ANKRD30BL: variants seen among roughly 807,000 people sequenced by gnomAD.
ANKRD30BL encodes ankyrin repeat domain 30B like.
ANKRD30BL carries 20 observed loss-of-function variants against 18.4 expected under a neutral mutation model. That is an observed-to-expected ratio of 1.09 (90% CI 0.77 to 1.58). The LOEUF is 1.58. Among genes scored for constraint, ANKRD30BL ranks in the 40% most tolerant of loss-of-function variants. ANKRD30BL has a pLI of 0.00. For missense variants in ANKRD30BL, 224 were observed against 268.6 expected, an observed-to-expected ratio of 0.83 and a Z score of 1.16; for synonymous variants, 72 against 100.9, an observed-to-expected ratio of 0.71 and a Z score of 1.72.
intron 1 of ANKRD30BL, among the ~76,000 whole-genome samples, chr2:132,242,246 T>C (rs76245472): frequency 1.3e-5 from 2 of 151,634 alleles, no homozygotes; most frequent in Non-Finnish European, 3.0e-5. Flanking sequence ...CTTTGTGAGG[T>C]TTGCATTCAA....
chr2:132,253,532 G>A (rs758766925), intron 1 of ANKRD30BL, among the ~76,000 whole-genome samples: 7 of 152,172 alleles, frequency 4.6e-5, no homozygotes, highest in Non-Finnish European at 1.0e-4. Flanking sequence ...CCACAGAGCG[G>A]GGTACAGGCC....
chr2:132,226,856 G>A (rs1267926086), intron 1 of ANKRD30BL, among the ~76,000 whole-genome samples: 1 of 152,004 alleles, frequency 6.6e-6, no homozygotes, highest in Non-Finnish European at 1.5e-5. Flanking sequence ...AGTTAGAAAA[G>A]GAAATATCTT....
intron 1 of ANKRD30BL, among the ~76,000 whole-genome samples, chr2:132,179,077 GA>G (rs1392759862): frequency 1.3e-5 from 2 of 151,490 alleles, no homozygotes; most frequent in Non-Finnish European, 2.9e-5. Flanking sequence ...GATTGTAATG[GA>G]GGTAAAAAAT....
intron 1 of ANKRD30BL, among the ~76,000 whole-genome samples, chr2:132,179,757 A>G (rs1688429683): frequency 6.6e-6 from 1 of 152,166 alleles, no homozygotes; most frequent in African/African-American, 2.4e-5. Flanking sequence ...CCATTGAGAC[A>G]GAATATGAAG....
In ANKRD30BL at chr2:132,209,578, A is replaced by G. The variant is rs568612063; in HGVS notation, n.441+47951T>C. ...TTTGTGATGTGTGCATTCATCTCAC[A>G]GAACTGAACCTTTCTTTTGATTGAA... is the stretch of plus-strand genomic sequence containing the variant. On this transcript the variant is annotated intron_variant and non_coding_transcript_variant, in intron 1 of 4. Transcript: ENST00000470729. 9.8e-5 allele frequency among the ~76,000 whole-genome samples: 15 copies of G among 152,320 alleles called. 1 individual carries two copies. Among genetic ancestry groups the G allele is most frequent in the South Asian group, 4.1e-4 (2 of 4,832 alleles).
chr2:132,245,735 T>C (rs1191554797), intron 1 of ANKRD30BL, among the ~76,000 whole-genome samples: 1 of 902 alleles, frequency 1.1e-3, no homozygotes, highest in Non-Finnish European at 3.0e-3. Flanking sequence ...TTGTAGAATC[T>C]GCAAGTGGAT....
intron 1 of ANKRD30BL, among the ~76,000 whole-genome samples, chr2:132,227,384 C>A (rs1272415494): frequency 6.6e-6 from 1 of 151,242 alleles, no homozygotes; most frequent in Non-Finnish European, 1.5e-5. Flanking sequence ...ATCTTCCCAT[C>A]TAAACTAGAG....
chr2:132,201,460 C>T (rs1679096056), intron 1 of ANKRD30BL, among the ~76,000 whole-genome samples: 2 of 151,882 alleles, frequency 1.3e-5, no homozygotes, highest in African/African-American at 4.8e-5. Context: ...AAAAAAACAA[C>T]CCCATCAAAA....
intron 1 of ANKRD30BL, among the ~76,000 whole-genome samples, chr2:132,252,340 C>A (rs1680672000): frequency 6.6e-6 from 1 of 152,342 alleles, no homozygotes; most frequent in Admixed American, 6.5e-5. Context: ...GCTGCCCTGC[C>A]CCGACATGGA....
chr2:132,168,789 C>T (rs1688228814), intron 1 of ANKRD30BL, among the ~76,000 whole-genome samples: 1 of 151,758 alleles, frequency 6.6e-6, no homozygotes, highest in South Asian at 2.1e-4. Flanking sequence ...TGTTAATTGA[C>T]TGTGGCTATT....
intron 1 of ANKRD30BL, among the ~76,000 whole-genome samples, chr2:132,204,461 A>G (rs1468646449): frequency 2.1e-5 from 2 of 94,110 alleles, no homozygotes; most frequent in Admixed American, 1.0e-4. Flanking sequence ...TATAGTGTGT[A>G]TGTATGTATG....
chr2:132,169,660 A>T (rs1231096552), intron 1 of ANKRD30BL, among the ~76,000 whole-genome samples: 1 of 151,182 alleles, frequency 6.6e-6, no homozygotes, highest in Non-Finnish European at 1.5e-5. Context: ...AAAAAAAAAA[A>T]AAAAAAAAGA....
At chr2:132,201,939 A>T (rs1042903427) in intron 1 of ANKRD30BL, among the ~76,000 whole-genome samples, 1 of 152,244 alleles carries the variant, frequency 6.6e-6, no homozygotes, top group African/African-American at 2.4e-5. Flanking sequence ...TGGCACATAT[A>T]CACCACGGAA....
At position 132,191,898 on chromosome 2, in the gene ANKRD30BL, C is replaced by T. The variant is rs183894799; in HGVS notation, n.442-34752G>A. Among the ~76,000 whole-genome samples the T allele has an allele frequency of 7.5e-3, 1,139 of 151,990 alleles. 8 individuals are homozygous for T. Among genetic ancestry groups the T allele is most frequent in the African/African-American group, 0.024 (1,014 of 41,460 alleles). On this transcript the variant is annotated intron_variant and non_coding_transcript_variant, in intron 1 of 4. Transcript: ENST00000470729. ...CTGGGACTACAGGCTCTCACCACCA[C>T]GCCTGGCTAATTTTTTTGTATATTT...
chr2:132,156,176 A>T (rs1377397489), intron 3 of ANKRD30BL: 1 of 149,126 alleles, frequency 6.7e-6, no homozygotes, highest in Non-Finnish European at 1.5e-5. Context: ...GTGGAGAAAG[A>T]TATAATATTT....
At chr2:132,157,714 C>T (rs1442837367) in intron 1 of ANKRD30BL, among the ~76,000 whole-genome samples, 1 of 152,132 alleles carries the variant, frequency 6.6e-6, no homozygotes, top group Non-Finnish European at 1.5e-5. Context: ...TTCTCTGCCT[C>T]AATTTTCTCA....
intron 1 of ANKRD30BL, among the ~76,000 whole-genome samples, chr2:132,200,745 A>T (rs991549646): frequency 9.9e-5 from 15 of 152,278 alleles, no homozygotes; most frequent in East Asian, 1.9e-4. Flanking sequence ...ATTCAATGCC[A>T]TCCCCATCAA....
At chr2:132,242,709 G>A (rs1268909589) in intron 1 of ANKRD30BL, among the ~76,000 whole-genome samples, 4 of 150,464 alleles carry the variant, frequency 2.7e-5, no homozygotes, top group Non-Finnish European at 4.5e-5. Flanking sequence ...AACGGGAATA[G>A]CTTCACATAA....
intron 1 of ANKRD30BL, among the ~76,000 whole-genome samples, chr2:132,215,652 G>A (rs1318800038): frequency 1.3e-5 from 2 of 151,922 alleles, no homozygotes; most frequent in African/African-American, 4.8e-5. Context: ...TCTGCAAGTG[G>A]ACATTTTGAG....
Sources: gnomAD v4.1 joint callset for allele counts (sites outside exome capture counted in the v4.1 genomes callset) on GRCh38, gnomAD v4.1.1 for gene constraint, MANE v1.5 for transcripts, NCBI Gene and HGNC (gene_info 2026-07-23, HGNC 2026-07-21) for gene names.